GRID2: variants seen among roughly 807,000 people sequenced by gnomAD.
GRID2 encodes glutamate receptor ionotropic, delta-2.
GRID2 carries 33 observed loss-of-function variants against 114.8 expected under a neutral mutation model. The observed-to-expected ratio is 0.29, with a 90% confidence interval of 0.22 to 0.38. GRID2 has a LOEUF of 0.38. Ranked by LOEUF, GRID2 falls within the 10% of genes least tolerant of loss-of-function variation. The pLI is 1.00. For synonymous variants in GRID2, 505 were observed against 449.9 expected (o/e 1.12, Z -1.55); for missense variants, 1,184 against 1,257.7 (o/e 0.94, Z 0.89).
intron 1 of GRID2, among the ~76,000 whole-genome samples, chr4:92,485,935 A>T (rs964935619): frequency 2.0e-5 from 3 of 152,056 alleles, no homozygotes; most frequent in African/African-American, 4.8e-5. Context: ...AATAATGAGT[A>T]TAGTGAAAAC....
At chr4:92,550,854 A>G (rs1477405948) in intron 1 of GRID2, among the ~76,000 whole-genome samples, 3 of 152,344 alleles carry the variant, frequency 2.0e-5, no homozygotes, top group East Asian at 3.9e-4. Flanking sequence ...TGATTGATAT[A>G]AAAAGTGTAA....
chr4:93,592,474 C>G (rs1738477602), intron 13 of GRID2, among the ~76,000 whole-genome samples: 1 of 151,950 alleles, frequency 6.6e-6, no homozygotes, highest in Admixed American at 6.6e-5. Flanking sequence ...GCTTTACTTC[C>G]AAGTATGTGG....
chr4:92,678,683 A>G (rs555842511), intron 2 of GRID2, among the ~76,000 whole-genome samples: 4 of 152,032 alleles, frequency 2.6e-5, no homozygotes, highest in African/African-American at 9.6e-5. Context: ...ACTAATACTG[A>G]TAATGTATGC....
At chr4:93,116,984 A>G (rs942894605) in intron 4 of GRID2, among the ~76,000 whole-genome samples, 1 of 152,140 alleles carries the variant, frequency 6.6e-6, no homozygotes, top group Non-Finnish European at 1.5e-5. Context: ...AATTTTATAG[A>G]ACCTAACTAC....
intron 2 of GRID2, among the ~76,000 whole-genome samples, chr4:93,067,514 G>C (rs1728407558): frequency 6.6e-6 from 1 of 151,852 alleles, no homozygotes; most frequent in African/African-American, 2.4e-5. Context: ...AGGTTATAAG[G>C]CTCTGCCTTC....
At chr4:92,966,853 A>G (rs1753190106) in intron 2 of GRID2, among the ~76,000 whole-genome samples, 1 of 151,982 alleles carries the variant, frequency 6.6e-6, no homozygotes, top group Non-Finnish European at 1.5e-5. Context: ...TTGAAAGTAT[A>G]GAAAATAATT....
At chr4:92,695,118 T>C (rs9998380) in intron 2 of GRID2, among the ~76,000 whole-genome samples, 13,449 of 151,918 alleles carry the variant, frequency 0.089, 639 homozygotes, top group African/African-American at 0.1. Context: ...AGGTGCACAC[T>C]ACCACACCTA....
chr4:92,806,921 G>A (rs899737042), intron 2 of GRID2, among the ~76,000 whole-genome samples: 7 of 151,892 alleles, frequency 4.6e-5, no homozygotes, highest in African/African-American at 9.7e-5. Context: ...GCAAAAGTCC[G>A]GGGATGAAAG....
At chr4:93,657,420 G>C (rs1489071938) in intron 14 of GRID2, among the ~76,000 whole-genome samples, 2 of 152,132 alleles carry the variant, frequency 1.3e-5, no homozygotes, top group African/African-American at 2.4e-5. Context: ...CGGAGATACA[G>C]AGGAGCTCCC....
chr4:92,745,300 A>G (rs1737094429), intron 2 of GRID2, among the ~76,000 whole-genome samples: 1 of 152,234 alleles, frequency 6.6e-6, no homozygotes, highest in Non-Finnish European at 1.5e-5. Context: ...TATTTAAAAA[A>G]CATAATATGC....
Position 92,403,430 on chromosome 4 carries a change from G to C in GRID2, c.88+98686G>C, listed in dbSNP as rs529300030. Among the ~76,000 whole-genome samples the C allele has an allele frequency of 2.0e-5, 3 of 152,072 alleles. No individual in the cohort carries two copies. In the South Asian group the frequency reaches 6.2e-4, roughly 32 times the overall value. ...GTGAGAGACATGGCCAGGCATGGTG[G>C]CTCATGCTTGTAATTCCAGCACTTT... is the stretch of plus-strand genomic sequence containing the variant. On this transcript the variant is annotated intron_variant, in intron 1 of 15. Transcript: ENST00000282020.
chr4:92,925,506 C>G (rs74392721), intron 2 of GRID2, among the ~76,000 whole-genome samples: 2,263 of 152,080 alleles, frequency 0.015, 22 homozygotes, highest in East Asian at 0.053. Context: ...CAAACAAATA[C>G]AAGGCAAAAA....
At chr4:92,596,354 C>T (rs1214788008) in intron 2 of GRID2, among the ~76,000 whole-genome samples, 1 of 152,060 alleles carries the variant, frequency 6.6e-6, no homozygotes, top group Non-Finnish European at 1.5e-5. Flanking sequence ...CTCTGGTTAA[C>T]TCTGGACCAT....
In GRID2 at chr4:92,642,643, A is replaced by G. The variant is rs1311203497; in HGVS notation, c.244+52357A>G. Among the ~76,000 whole-genome samples, 12 of 151,756 alleles carry G rather than the reference A, an allele frequency of 7.9e-5. No homozygotes were observed. The East Asian group carries it at 2.3e-3, about 30-fold the overall frequency. On this transcript the variant is annotated intron_variant, in intron 2 of 15. Coordinates refer to ENST00000282020, the MANE Select transcript of GRID2 (RefSeq NM_001510.4). The stretch of plus-strand genomic sequence containing the variant: ...TGTTTTTGTTGTTTTTTTTAAATGC[A>G]GAAGCTCTTTAGTTTAACTAGCTCC...
At chr4:92,357,295 A>T (rs1728375295) in intron 1 of GRID2, among the ~76,000 whole-genome samples, 1 of 151,938 alleles carries the variant, frequency 6.6e-6, no homozygotes, top group Non-Finnish European at 1.5e-5. Context: ...TTAATATTTC[A>T]TATTTTGTTA....
chr4:93,002,260 T>G (rs1378629757), intron 2 of GRID2, among the ~76,000 whole-genome samples: 1 of 151,742 alleles, frequency 6.6e-6, no homozygotes, highest in African/African-American at 2.4e-5. Context: ...ATGGAAAAAA[T>G]TAATTTTAGT....
intron 1 of GRID2, among the ~76,000 whole-genome samples, chr4:93,788,998 G>A (rs1353957813): frequency 6.6e-6 from 1 of 152,098 alleles, no homozygotes. Flanking sequence ...TTATTATCCT[G>A]TATCTGTGTC....
chr4:93,102,427 C>T (rs1283035244), intron 3 of GRID2, among the ~76,000 whole-genome samples: 1 of 152,030 alleles, frequency 6.6e-6, no homozygotes, highest in Non-Finnish European at 1.5e-5. Flanking sequence ...ATTTGTTACC[C>T]ATATTCACAA....
chr4:93,023,692 T>C (rs1426869458), intron 2 of GRID2, among the ~76,000 whole-genome samples: 1 of 151,860 alleles, frequency 6.6e-6, no homozygotes, highest in Non-Finnish European at 1.5e-5. Flanking sequence ...CTCAAATATC[T>C]TAAACTGAAG....
Sources: allele counts gnomAD v4.1 joint callset (sites outside exome capture counted in the v4.1 genomes callset), GRCh38; gene constraint gnomAD v4.1.1; transcripts MANE v1.5; gene names NCBI Gene and HGNC (gene_info 2026-07-23, HGNC 2026-07-21).